Variants in WDR27 observed in about 807,000 individuals in gnomAD.
The protein encoded by WDR27 is WD repeat-containing protein 27.
In WDR27, 100 loss-of-function variants were observed where a neutral mutation model predicts 114.4. The ratio of observed to expected loss-of-function variants is 0.87; its 90% CI spans 0.74 to 1.03. The LOEUF is 1.03. Among genes scored for constraint, WDR27 ranks in the 50% least tolerant of loss-of-function variants. WDR27 has a pLI of 0.00. For synonymous variants in WDR27, 449 were observed against 423.1 expected, an observed-to-expected ratio of 1.06 and a Z score of -0.75; for missense variants, 1,129 against 1,092.9, an observed-to-expected ratio of 1.03 and a Z score of -0.47.
At chr6:169,466,796 T>C (rs1022641830) in intron 25 of WDR27, among the ~76,000 whole-genome samples, 1 of 152,192 alleles carries the variant, frequency 6.6e-6, no homozygotes, top group Non-Finnish European at 1.5e-5. Context: ...TCTCATGTCT[T>C]CACATTTCAA....
At chr6:169,560,132 C>T (rs1000961808) in intron 25 of WDR27, among the ~76,000 whole-genome samples, 8 of 152,094 alleles carry the variant, frequency 5.3e-5, no homozygotes, top group African/African-American at 1.7e-4. Context: ...GTGGGAGGGA[C>T]CCAGGGGAAG....
intron 13 of WDR27, among the ~76,000 whole-genome samples, chr6:169,653,022 C>T (rs958216365): frequency 7.9e-5 from 12 of 152,208 alleles, no homozygotes; most frequent in African/African-American, 1.9e-4. Context: ...GTCTCCTTCA[C>T]GACAGGTTGT....
intron 25 of WDR27, among the ~76,000 whole-genome samples, chr6:169,474,348 CAATA>C (rs1400755585): frequency 1.3e-5 from 2 of 152,148 alleles, no homozygotes; most frequent in Non-Finnish European, 2.9e-5. Flanking sequence ...AATTAGTTGA[CAATA>C]AACAGCAGAA....
intron 25 of WDR27, among the ~76,000 whole-genome samples, chr6:169,551,369 A>C (rs1015618512): frequency 4.6e-5 from 7 of 152,088 alleles, no homozygotes; most frequent in Non-Finnish European, 7.4e-5. Flanking sequence ...ACTTACCACT[A>C]TCTCTCCTGA....
intron 25 of WDR27, among the ~76,000 whole-genome samples, chr6:169,506,924 T>C (rs1044532622): frequency 6.6e-6 from 1 of 152,236 alleles, no homozygotes; most frequent in African/African-American, 2.4e-5. Flanking sequence ...TGCTAAATGA[T>C]ATGGACTTTA....
At chr6:169,504,828 G>C (rs1407314903) in intron 25 of WDR27, among the ~76,000 whole-genome samples, 1 of 152,082 alleles carries the variant, frequency 6.6e-6, no homozygotes, top group Non-Finnish European at 1.5e-5. Flanking sequence ...CGAACTCCTG[G>C]CCTCAAGCAA....
intron 25 of WDR27, among the ~76,000 whole-genome samples, chr6:169,562,869 C>A (rs1320341291): frequency 2.6e-5 from 4 of 152,136 alleles, no homozygotes; most frequent in Non-Finnish European, 2.9e-5. Flanking sequence ...ACGGCTCCTG[C>A]TCAGGCTCTG....
intron 25 of WDR27, among the ~76,000 whole-genome samples, chr6:169,495,061 C>T (rs1238348731): frequency 6.6e-6 from 1 of 151,874 alleles, no homozygotes; most frequent in Non-Finnish European, 1.5e-5. Flanking sequence ...ATTATAAGTT[C>T]ATGAAAACAT....
intron 25 of WDR27, among the ~76,000 whole-genome samples, chr6:169,532,301 A>G (rs571008422): frequency 2.0e-4 from 30 of 152,310 alleles, no homozygotes; most frequent in African/African-American, 7.0e-4. Context: ...ATGAGACATT[A>G]ATAGAAATAG....
At chr6:169,552,015 C>T (rs572842252) in intron 25 of WDR27, among the ~76,000 whole-genome samples, 2 of 152,272 alleles carry the variant, frequency 1.3e-5, no homozygotes, top group African/African-American at 2.4e-5. Flanking sequence ...TGGGTTCCGT[C>T]CCACGCAGAG....
rs149766786 is a variant in WDR27 at position 169,613,322 on chromosome 6, G to A, written c.2321+237C>T. On this transcript the variant is annotated intron_variant, in intron 22 of 25. Coordinates refer to ENST00000448612, the MANE Select transcript of WDR27 (RefSeq NM_182552.5). The stretch of plus-strand genomic sequence containing the variant: ...AGATTCCAAAGTCTCCCTCAACATC[G>A]CTGACCCACAGGAAGGGCCTGGGGT... Among the ~76,000 whole-genome samples the A allele has an allele frequency of 6.6e-5, 10 of 152,212 alleles. No homozygotes were observed. The East Asian group carries it at 1.7e-3, about 27-fold the overall frequency.
At chr6:169,694,964 G>T (rs1456100462) in intron 1 of WDR27, among the ~76,000 whole-genome samples, 1 of 152,356 alleles carries the variant, frequency 6.6e-6, no homozygotes, top group East Asian at 1.9e-4. Flanking sequence ...CAAGAAGTCA[G>T]GCCTGGGACA....
chr6:169,599,824 G>A (rs1584489206), intron 23 of WDR27, among the ~76,000 whole-genome samples: 2 of 152,112 alleles, frequency 1.3e-5, no homozygotes, highest in South Asian at 2.1e-4. Flanking sequence ...GTTTGCTCTT[G>A]CTTCTCTAGT....
At chr6:169,679,923 G>A (rs1781070749) in intron 2 of WDR27, among the ~76,000 whole-genome samples, 1 of 152,104 alleles carries the variant, frequency 6.6e-6, no homozygotes, top group South Asian at 2.1e-4. Context: ...AAGGCAGCCA[G>A]ACAAATATAA....
chr6:169,637,283 C>T (rs1817862987), intron 18 of WDR27, among the ~76,000 whole-genome samples: 1 of 152,220 alleles, frequency 6.6e-6, no homozygotes, highest in African/African-American at 2.4e-5. Context: ...AGCCCCTTGG[C>T]CATTACTGCT....
intron 14 of WDR27, among the ~76,000 whole-genome samples, chr6:169,649,677 T>G (rs886197502): frequency 2.8e-4 from 43 of 152,090 alleles, no homozygotes; most frequent in African/African-American, 1.0e-3. Flanking sequence ...CATACAAAGC[T>G]GCAGATGCCA....
At chr6:169,472,162 A>G (rs1425847041) in intron 25 of WDR27, among the ~76,000 whole-genome samples, 1 of 152,208 alleles carries the variant, frequency 6.6e-6, no homozygotes, top group Non-Finnish European at 1.5e-5. Context: ...GTTTGCTTTC[A>G]TAATTGATTA....
At chr6:169,632,280 A>G (rs1816619246) in intron 21 of WDR27, among the ~76,000 whole-genome samples, 1 of 152,180 alleles carries the variant, frequency 6.6e-6, no homozygotes, top group Non-Finnish European at 1.5e-5. Context: ...TTCACTTGGC[A>G]AAATGATACC....
At chr6:169,616,036 A>G (rs778423845) in intron 21 of WDR27, among the ~76,000 whole-genome samples, 79 of 151,944 alleles carry the variant, frequency 5.2e-4, no homozygotes, top group Non-Finnish European at 9.3e-4. Flanking sequence ...TATAAGCACT[A>G]GAAAAAAAAA....
Sources: allele counts gnomAD v4.1 joint callset (sites outside exome capture counted in the v4.1 genomes callset), GRCh38; gene constraint gnomAD v4.1.1; transcripts MANE v1.5; gene names NCBI Gene and HGNC (gene_info 2026-07-23, HGNC 2026-07-21).